The following GRIK2 variants were observed in gnomAD, a reference collection of about 807,000 sequenced individuals.
The protein encoded by GRIK2 is glutamate ionotropic receptor kainate type subunit 2, also known as glutamate receptor ionotropic, kainate 2.
In GRIK2, 32 loss-of-function variants were observed where a neutral mutation model predicts 100.3. The observed-to-expected ratio is 0.32, with a 90% CI of 0.24 to 0.43. The LOEUF (loss-of-function observed/expected upper bound fraction) is 0.43. Among genes scored for constraint, GRIK2 ranks in the 20% least tolerant of loss-of-function variants. The pLI is 1.00. For missense variants in GRIK2, 843 were observed against 1,114.9 expected (o/e 0.76, Z 3.47); for synonymous variants, 417 against 389.4 (o/e 1.07, Z -0.83).
intron 14 of GRIK2, among the ~76,000 whole-genome samples, chr6:101,929,899 T>TA (rs1790149047): frequency 6.6e-6 from 1 of 152,202 alleles, no homozygotes; most frequent in African/African-American, 2.4e-5. Context: ...ATTTATTGAA[T>TA]AATCAAATAT....
At chr6:101,799,543 G>A (rs986384307) in intron 7 of GRIK2, 105 bp from the exon 8 acceptor site, 2 of 785,298 alleles carry the variant, frequency 2.5e-6, no homozygotes, top group African/African-American at 3.4e-5. Context: ...AAGAAAAATG[G>A]GATATATATT....
intron 14 of GRIK2, among the ~76,000 whole-genome samples, chr6:101,940,130 A>G (rs992516691): frequency 6.6e-6 from 1 of 152,186 alleles, no homozygotes; most frequent in African/African-American, 2.4e-5. Context: ...AGCCAAATAT[A>G]CTAGTATTAG....
At chr6:101,927,190 A>G (rs73761484) in intron 13 of GRIK2, 4 of 154,790 alleles carry the variant, frequency 2.6e-5, no homozygotes, top group African/African-American at 9.6e-5. Flanking sequence ...GGTAAGATGA[A>G]CTGCAGTATA....
chr6:101,686,253 C>T lies in GRIK2; in HGVS notation c.851C>T (p.Thr284Ile). 2 of 1,612,576 alleles carry T rather than the reference C, an allele frequency of 1.2e-6. No homozygotes were observed. Among genetic ancestry groups the T allele is most frequent in the East Asian group, 2.2e-5 (1 of 44,808 alleles). Residue 284 changes from threonine to isoleucine, a missense_variant, in exon 7 of 17, where the codon ACA (threonine) becomes ATA (isoleucine). Around this residue, in one of 3 missense-constraint regions of GRIK2, gnomAD observed 519 missense variants for 643.8 expected, o/e 0.81. Coordinates refer to ENST00000369134, the MANE Select transcript of GRIK2 (RefSeq NM_021956.5). ...VNMTGFRILN[T>I]ENTQVSSIIE... ...ATGACAGGGTTCAGAATATTAAATA[C>T]AGAAAATACCCAAGTCTCCTCCATC...
rs9377326 is a variant in GRIK2, at chr6:101,952,747, T to C, written c.2085+24115T>C. 1.7e-4 allele frequency among the ~76,000 whole-genome samples: 26 copies of C among 152,028 alleles called. No homozygotes were observed. In the East Asian group the frequency reaches 4.7e-3, roughly 27 times the overall value. On this transcript the variant is annotated intron_variant, in intron 14 of 16. Transcript: ENST00000369134. ...CATCCTGAGTAGCTGGGACCACAGG[T>C]GCCCGCCACCACACCCAGCTAATTT...
At chr6:101,879,926 A>T (rs1786130317) in intron 11 of GRIK2, among the ~76,000 whole-genome samples, 1 of 151,966 alleles carries the variant, frequency 6.6e-6, no homozygotes. Flanking sequence ...CTTTACAAGA[A>T]ATTGGAGGAA....
intron 2 of GRIK2, among the ~76,000 whole-genome samples, chr6:101,577,707 C>T (rs1352533220): frequency 6.6e-6 from 1 of 152,052 alleles, no homozygotes; most frequent in Admixed American, 6.6e-5. Flanking sequence ...AGTTTATTTT[C>T]CTTGAGAAGA....
intron 2 of GRIK2, among the ~76,000 whole-genome samples, chr6:101,605,210 C>T (rs946558047): frequency 6.6e-6 from 1 of 151,832 alleles, no homozygotes; most frequent in Non-Finnish European, 1.5e-5. Flanking sequence ...ATATTGTATC[C>T]CTGCTGTGTG....
At chr6:102,044,781 T>G in intron 15 of GRIK2, among the ~76,000 whole-genome samples, 1 of 151,984 alleles carries the variant, frequency 6.6e-6, no homozygotes, top group East Asian at 1.9e-4. Context: ...ACAAGTTGGG[T>G]TTCCTTCTGC....
At chr6:101,863,195 A>T (rs1784830197) in intron 11 of GRIK2, among the ~76,000 whole-genome samples, 1 of 152,194 alleles carries the variant, frequency 6.6e-6, no homozygotes, top group Non-Finnish European at 1.5e-5. Flanking sequence ...ATGCATATAT[A>T]CATTTTAGTC....
At chr6:101,968,679 C>A (rs1215057429) in intron 14 of GRIK2, among the ~76,000 whole-genome samples, 1 of 151,990 alleles carries the variant, frequency 6.6e-6, no homozygotes, top group Non-Finnish European at 1.5e-5. Flanking sequence ...TTCTCACTTT[C>A]CTTTCACACT....
intron 16 of GRIK2, 123 bp downstream of exon 16, chr6:102,055,703 C>A: frequency 3.1e-6 from 2 of 650,240 alleles, no homozygotes; most frequent in Non-Finnish European, 5.3e-6. Flanking sequence ...TCTAAATTGT[C>A]TTATGTCATT....
At chr6:101,544,110 C>A (rs1274850406) in intron 2 of GRIK2, among the ~76,000 whole-genome samples, 1 of 152,104 alleles carries the variant, frequency 6.6e-6, no homozygotes, top group Non-Finnish European at 1.5e-5. Context: ...CTGGTACTTT[C>A]ATCCCTTTTT....
intron 2 of GRIK2, among the ~76,000 whole-genome samples, chr6:101,480,372 T>C (rs1022633226): frequency 6.6e-6 from 1 of 152,142 alleles, no homozygotes; most frequent in African/African-American, 2.4e-5. Flanking sequence ...AGGATTTCAG[T>C]TGGCCTAAAC....
chr6:101,491,607 C>T lies in GRIK2; in HGVS notation c.115+92215C>T, dbSNP rs575887402. On this transcript the variant is annotated intron_variant, in intron 2 of 16. Coordinates refer to ENST00000369134, the MANE Select transcript of GRIK2 (RefSeq NM_021956.5). ...CCAAATTTGCTTTATATTTGTCTCC[C>T]GTCTCTGTCTCTATTTTCTATCTCA... Among the ~76,000 whole-genome samples, 12 of 151,740 alleles carry T rather than the reference C, an allele frequency of 7.9e-5. 1 individual carries two copies. The South Asian group carries it at 1.7e-3, about 21-fold the overall frequency.
intron 9 of GRIK2, among the ~76,000 whole-genome samples, chr6:101,813,607 C>T (rs1206188309): frequency 6.6e-6 from 1 of 152,008 alleles, no homozygotes; most frequent in African/African-American, 2.4e-5. Flanking sequence ...TTCCTTGTAG[C>T]AAAATAATTC....
chr6:101,736,358 C>A (rs1313637814), intron 7 of GRIK2, among the ~76,000 whole-genome samples: 2 of 152,234 alleles, frequency 1.3e-5, no homozygotes, highest in Non-Finnish European at 2.9e-5. Flanking sequence ...CCCTTTCACA[C>A]TGCCCTAGCA....
At chr6:101,890,508 T>C (rs1458959155) in intron 12 of GRIK2, 2 of 152,160 alleles carry the variant, frequency 1.3e-5, no homozygotes, top group Non-Finnish European at 2.9e-5. Flanking sequence ...GATAGGAGGA[T>C]TGCCTTGAGG....
At chr6:101,686,092 A>G (rs1771672710) in intron 6 of GRIK2, 88 bp from the exon 7 acceptor site, 2 of 1,140,130 alleles carry the variant, frequency 1.8e-6, no homozygotes, top group Non-Finnish European at 1.2e-6. Flanking sequence ...AGTGACCTAA[A>G]AAAAACAAAA....
Sources: allele counts gnomAD v4.1 joint callset (sites outside exome capture counted in the v4.1 genomes callset), GRCh38; gene constraint gnomAD v4.1.1; regional missense constraint gnomAD v4.1.1; transcripts MANE v1.5; gene names NCBI Gene and HGNC (gene_info 2026-07-23, HGNC 2026-07-21).